The following KMT2C variants were observed in gnomAD, a reference collection of about 807,000 sequenced individuals.
KMT2C encodes lysine methyltransferase 2C, also known as histone-lysine N-methyltransferase 2C.
Under a neutral mutation model 507.9 loss-of-function variants are expected in KMT2C, and 88 were observed. That is an observed-to-expected ratio of 0.17 (90% CI 0.15 to 0.21). The LOEUF (loss-of-function observed/expected upper bound fraction) is 0.21. Among genes scored for constraint, KMT2C ranks in the 10% least tolerant of loss-of-function variants. KMT2C has a pLI of 1.00. For missense variants in KMT2C, 4,954 were observed against 5,957.8 expected, an observed-to-expected ratio of 0.83 and a Z score of 5.55; for synonymous variants, 2,049 against 2,080.8, an observed-to-expected ratio of 0.98 and a Z score of 0.42.
At chr7:152,247,561 G>T (rs1259988801) in intron 14 of KMT2C, among the ~76,000 whole-genome samples, 1 of 152,310 alleles carries the variant, frequency 6.6e-6, no homozygotes, top group Non-Finnish European at 1.5e-5. Context: ...GTTAGTTACT[G>T]TATACCCAAA....
chr7:152,182,580 T>C lies in KMT2C; in HGVS notation c.5280A>G (p.Lys1760=), dbSNP rs2093468632. 6.4e-7 allele frequency: 1 copy of C among 1,573,796 alleles called. No individual in the cohort carries two copies. The highest frequency in any genetic ancestry group is 1.4e-5 in the African/African-American group (1 of 73,268). ...CTTCAATTTTAGCTTGCTGCTTACT[T>C]TTCTGACGCATTTGCTATTAAAATA... The part of the protein sequence containing the change: ...EWKFRQQMRQ[K]SKQQAKIEAT... The change falls in exon 36 of 59, where the codon AAA becomes AAG. Residue 1760 remains lysine (K), a synonymous_variant. Transcript: ENST00000262189.
At chr7:152,361,404 TACA>T (rs2097196098) in intron 1 of KMT2C, among the ~76,000 whole-genome samples, 1 of 151,764 alleles carries the variant, frequency 6.6e-6, no homozygotes, top group Non-Finnish European at 1.5e-5. Flanking sequence ...ACTAAAAATA[TACA>T]AAAAAATTAG....
chr7:152,383,864 C>T (rs1233148577), intron 1 of KMT2C, among the ~76,000 whole-genome samples: 6 of 152,018 alleles, frequency 3.9e-5, no homozygotes, highest in Non-Finnish European at 5.9e-5. Flanking sequence ...CACTCATCAT[C>T]GTCATTACTC....
rs766413158 is a variant in KMT2C at position 152,435,725 on chromosome 7, T to C, written c.62A>G (p.Glu21Gly). 2.2e-5 allele frequency: 34 copies of C among 1,531,180 alleles called. No individual in the cohort carries two copies. The Admixed American group carries it at 6.0e-4, about 27-fold the overall frequency. The allele number at this position is 1,531,180 out of a possible 1,614,324, so 94.8% of individuals were successfully genotyped here. ...GGGGCTCGGGGCCGGGGCTCCAGGC[T>C]CCTCGGGGGGTGGTGGCGGCGGCTG... ...QPQPPPPPPE[E>G]PGAPAPSPAA... Residue 21 changes from glutamate (E) to glycine (G), a missense_variant, in exon 1 of 59, where the codon GAG becomes GGG. By Grantham distance (98) the Glu-to-Gly change is moderately conservative. Around this residue, in one of 29 missense-constraint regions of KMT2C, gnomAD observed 51 missense variants for 43.5 expected, o/e 1.17. Coordinates refer to ENST00000262189, the MANE Select transcript of KMT2C (RefSeq NM_170606.3).
intron 6 of KMT2C, among the ~76,000 whole-genome samples, chr7:152,297,059 G>A (rs4626505): frequency 0.048 from 3,084 of 63,688 alleles, 149 homozygotes; most frequent in African/African-American, 0.13. Flanking sequence ...GAAAGACAGA[G>A]AGAGAGAGAG....
intron 26 of KMT2C, 76 bp from the exon 27 acceptor site, chr7:152,199,535 G>T: frequency 1.1e-6 from 1 of 880,574 alleles, no homozygotes; most frequent in Non-Finnish European, 1.7e-6. Context: ...CATGGTTTTT[G>T]ACAAGGAAGC....
chr7:152,218,721 C>T (rs1347933229), intron 23 of KMT2C, among the ~76,000 whole-genome samples: 1 of 151,064 alleles, frequency 6.6e-6, no homozygotes, highest in Non-Finnish European at 1.5e-5. Context: ...AGCCGTCCTT[C>T]TTGTCCTCAC....
At chr7:152,421,019 TA>T (rs1007616633) in intron 1 of KMT2C, among the ~76,000 whole-genome samples, 3 of 150,262 alleles carry the variant, frequency 2.0e-5, no homozygotes, top group East Asian at 1.9e-4. Flanking sequence ...TAAAGTATAA[TA>T]AAAAAATAGT....
chr7:152,237,472 C>T (rs202216882), intron 15 of KMT2C, among the ~76,000 whole-genome samples: 6 of 125,864 alleles, frequency 4.8e-5, no homozygotes, highest in Middle Eastern at 3.8e-3. Flanking sequence ...AGATGGATGG[C>T]GTCAGGTTAG....
intron 1 of KMT2C, among the ~76,000 whole-genome samples, chr7:152,407,947 C>A (rs2097637042): frequency 1.3e-5 from 2 of 152,282 alleles, no homozygotes; most frequent in African/African-American, 4.8e-5. Context: ...ACAGTCCTTA[C>A]AAAATATGGA....
chr7:152,187,926 C>CA, intron 31 of KMT2C, 79 bp from the exon 32 acceptor site: 1 of 1,427,138 alleles, frequency 7.0e-7, no homozygotes, highest in Non-Finnish European at 9.8e-7. Flanking sequence ...CCTTGAACAA[C>CA]ATGGTTTTTA....
intron 41 of KMT2C, among the ~76,000 whole-genome samples, chr7:152,168,074 C>G (rs1411895276): frequency 6.6e-6 from 1 of 152,066 alleles, no homozygotes; most frequent in East Asian, 1.9e-4. Flanking sequence ...ATGGCTATAT[C>G]TCTTCATTTT....
chr7:152,413,391 G>C (rs1246765989), intron 1 of KMT2C, among the ~76,000 whole-genome samples: 1 of 152,072 alleles, frequency 6.6e-6, no homozygotes, highest in Non-Finnish European at 1.5e-5. Flanking sequence ...AAGATTACAG[G>C]TGTAAGCCAC....
At chr7:152,418,783 T>A (rs1233124749) in intron 1 of KMT2C, among the ~76,000 whole-genome samples, 1 of 151,088 alleles carries the variant, frequency 6.6e-6, no homozygotes, top group Non-Finnish European at 1.5e-5. Context: ...TATAAAAGAT[T>A]AACAATACGG....
At chr7:152,229,666 A>G (rs2095047798) in intron 18 of KMT2C, among the ~76,000 whole-genome samples, 1 of 152,198 alleles carries the variant, frequency 6.6e-6, no homozygotes, top group African/African-American at 2.4e-5. Flanking sequence ...TGAATACTAT[A>G]AATTGTCTTT....
Position 152,167,288 on chromosome 7 carries a change from C to A in KMT2C, c.9608G>T (p.Gly3203Val). 6.2e-7 allele frequency: 1 copy of A among 1,614,034 alleles called. No homozygotes were observed. Among genetic ancestry groups the A allele is most frequent in the Non-Finnish European group, 8.5e-7 (1 of 1,180,012 alleles). The change falls in exon 42 of 59, where the codon GGT (glycine) becomes GTT (valine). Residue 3203 changes from glycine to valine, a missense_variant. Physicochemically the swap from Gly to Val is moderately radical, Grantham distance 109. Transcript: ENST00000262189. ...GGCCTTCTTAGATTTTCTGTGAGCA[C>A]CAATTTGTTCTTCAAGATACTTCTG... ...MQQKYLEEQIGAHRKSKKALS... is the reference protein window; with the variant it reads ...MQQKYLEEQIVAHRKSKKALS...
chr7:152,418,826 G>A (rs2097761653), intron 1 of KMT2C, among the ~76,000 whole-genome samples: 1 of 151,616 alleles, frequency 6.6e-6, no homozygotes, highest in African/African-American at 2.4e-5. Context: ...AGGGAAAGTA[G>A]GTTACAAAAC....
chr7:152,164,585 G>T (rs538320158), intron 42 of KMT2C, among the ~76,000 whole-genome samples: 1 of 152,010 alleles, frequency 6.6e-6, no homozygotes, highest in East Asian at 1.9e-4. Flanking sequence ...CACTGCGCCC[G>T]GCCTGTACAA....
In KMT2C at chr7:152,195,963, T is replaced by A; in HGVS notation, c.4322A>T (p.Asp1441Val). 6.2e-7 allele frequency: 1 copy of A among 1,611,030 alleles called. No homozygotes were observed. Among genetic ancestry groups the A allele is most frequent in the Non-Finnish European group, 8.5e-7 (1 of 1,177,778 alleles). Residue 1441 changes from aspartate to valine, a missense_variant, in exon 28 of 59, where the codon GAT (aspartate) becomes GTT (valine). Transcript: ENST00000262189. Reference protein sequence around the residue: ...LADISEVLNTDDDILGIISDD... With the variant: ...LADISEVLNTVDDILGIISDD... ...TGAAATTATTCCAAGAATGTCATCA[T>A]CTGTGTTTAAAACTTCAGAAATATC...
Sources: gnomAD v4.1 joint callset for allele counts (sites outside exome capture counted in the v4.1 genomes callset) on GRCh38, gnomAD v4.1.1 for gene constraint, gnomAD v4.1.1 regional missense constraint, MANE v1.5 for transcripts, NCBI Gene and HGNC (gene_info 2026-07-23, HGNC 2026-07-21) for gene names.